Variants in ARHGEF3 observed in about 807,000 individuals in gnomAD.
The protein encoded by ARHGEF3 is Rho guanine nucleotide exchange factor 3.
ARHGEF3 carries 28 observed loss-of-function variants against 63.2 expected under a neutral mutation model. That is an observed-to-expected ratio of 0.44 (90% CI 0.33 to 0.61). The LOEUF (loss-of-function observed/expected upper bound fraction) is 0.61, where lower values mean the gene tolerates loss of function less well. Among genes scored for constraint, ARHGEF3 ranks in the 20% least tolerant of loss-of-function variants. The pLI, the probability that ARHGEF3 is intolerant of heterozygous loss-of-function variation, is 0.03. For missense variants in ARHGEF3, 533 were observed against 659.3 expected (o/e 0.81, Z 2.10); for synonymous variants, 266 against 254.2 (o/e 1.05, Z -0.44).
intron 2 of ARHGEF3, among the ~76,000 whole-genome samples, chr3:56,974,459 AC>A (rs1403946799): frequency 3.3e-5 from 5 of 152,318 alleles, no homozygotes; most frequent in African/African-American, 1.2e-4. Flanking sequence ...AGATGGCAGC[AC>A]CAAGCTTTCA....
At chr3:56,967,966 AT>A (rs1312162824) in intron 2 of ARHGEF3, among the ~76,000 whole-genome samples, 105 of 65,180 alleles carry the variant, frequency 1.6e-3, no homozygotes, top group Admixed American at 4.7e-3. Context: ...TATAAAATAT[AT>A]TTTATATTAT....
chr3:56,801,619 T>G, intron 1 of ARHGEF3, 84 bp downstream of exon 1: 1 of 1,489,602 alleles, frequency 6.7e-7, no homozygotes, highest in Non-Finnish European at 9.0e-7. Context: ...ACAGTGACAC[T>G]GGACGGGCGC....
intron 3 of ARHGEF3, among the ~76,000 whole-genome samples, chr3:56,895,409 G>C (rs1040270024): frequency 2.0e-5 from 3 of 152,112 alleles, no homozygotes; most frequent in African/African-American, 7.2e-5. Flanking sequence ...CTCCAGTGCG[G>C]ACATACAGAA....
intron 2 of ARHGEF3, among the ~76,000 whole-genome samples, chr3:56,968,225 T>A (rs1217940937): frequency 5.0e-3 from 84 of 16,820 alleles, no homozygotes; most frequent in African/African-American, 0.012. Context: ...TTATATATAA[T>A]ATATATATAA....
At chr3:57,067,247 C>T (rs1276645015) in intron 1 of ARHGEF3, among the ~76,000 whole-genome samples, 3 of 151,654 alleles carry the variant, frequency 2.0e-5, no homozygotes, top group Admixed American at 6.6e-5. Context: ...GTCAGGAGAT[C>T]GAGACTATCC....
At chr3:56,859,715 T>A (rs1283477406) in intron 4 of ARHGEF3, among the ~76,000 whole-genome samples, 1 of 131,622 alleles carries the variant, frequency 7.6e-6, no homozygotes, top group East Asian at 2.7e-4. Flanking sequence ...TTTTTTTTTT[T>A]TAAGTTAGAG....
intron 3 of ARHGEF3, chr3:56,958,710 C>T (rs73091596): frequency 0.12 from 137,545 of 1,143,032 alleles, 9,626 homozygotes; most frequent in East Asian, 0.27. Flanking sequence ...AGATGCGCTC[C>T]TGATGGAGAC....
chr3:56,855,550 G>T (rs2039841993), intron 4 of ARHGEF3, among the ~76,000 whole-genome samples: 1 of 152,038 alleles, frequency 6.6e-6, no homozygotes, highest in Admixed American at 6.6e-5. Flanking sequence ...GGGCGTGGTG[G>T]CATGTGCCTG....
intron 3 of ARHGEF3, among the ~76,000 whole-genome samples, chr3:56,914,670 G>A (rs1280069056): frequency 6.6e-6 from 1 of 152,074 alleles, no homozygotes; most frequent in South Asian, 2.1e-4. Context: ...TATTCTTAAA[G>A]GAAGGGAATT....
chr3:56,894,650 T>A (rs978206312), intron 3 of ARHGEF3, among the ~76,000 whole-genome samples: 10 of 152,052 alleles, frequency 6.6e-5, no homozygotes, highest in Non-Finnish European at 1.5e-4. Flanking sequence ...TTATAAAAAA[T>A]TTTAAAAAAA....
At chr3:56,862,817 C>T (rs979264675) in intron 4 of ARHGEF3, among the ~76,000 whole-genome samples, 2 of 152,162 alleles carry the variant, frequency 1.3e-5, no homozygotes, top group Admixed American at 1.3e-4. Flanking sequence ...AATGCACCCC[C>T]TTAGCAAACC....
chr3:56,800,950 T>A (rs17216782), intron 1 of ARHGEF3, among the ~76,000 whole-genome samples: 10,819 of 152,154 alleles, frequency 0.071, 764 homozygotes, highest in East Asian at 0.24. Flanking sequence ...GCCAGAGAAA[T>A]AACACGCAAG....
chr3:56,871,284 C>T (rs2040424414), intron 4 of ARHGEF3, among the ~76,000 whole-genome samples: 1 of 152,080 alleles, frequency 6.6e-6, no homozygotes, highest in African/African-American at 2.4e-5. Flanking sequence ...TACCCCTAAA[C>T]ACTTCCATAT....
intron 2 of ARHGEF3, among the ~76,000 whole-genome samples, chr3:56,771,337 G>A (rs919901225): frequency 1.3e-5 from 2 of 152,104 alleles, no homozygotes; most frequent in African/African-American, 4.8e-5. Context: ...AGGAACCCCA[G>A]AAACAGAAGA....
chr3:57,003,558 C>T (rs1473192071), intron 2 of ARHGEF3, among the ~76,000 whole-genome samples: 2 of 151,986 alleles, frequency 1.3e-5, no homozygotes, highest in Non-Finnish European at 2.9e-5. Flanking sequence ...TGAATAATGG[C>T]CCCCAAAAGA....
At chr3:56,907,270 G>C (rs949515473) in intron 3 of ARHGEF3, among the ~76,000 whole-genome samples, 1 of 152,058 alleles carries the variant, frequency 6.6e-6, no homozygotes, top group East Asian at 1.9e-4. Context: ...CATGAGCCAC[G>C]GCGCCTGGCC....
intron 4 of ARHGEF3, among the ~76,000 whole-genome samples, chr3:56,820,591 A>G (rs910229739): frequency 9.9e-5 from 15 of 152,118 alleles, no homozygotes; most frequent in African/African-American, 3.4e-4. Flanking sequence ...TCACTTGAGC[A>G]TAGGAGTTTG....
At chr3:56,936,258 G>A (rs1239205247) in intron 3 of ARHGEF3, among the ~76,000 whole-genome samples, 1 of 152,130 alleles carries the variant, frequency 6.6e-6, no homozygotes, top group Non-Finnish European at 1.5e-5. Flanking sequence ...ACCGGGAGCA[G>A]AACCTATAGG....
intron 2 of ARHGEF3, among the ~76,000 whole-genome samples, chr3:57,013,684 C>G (rs1702809481): frequency 6.6e-6 from 1 of 152,182 alleles, no homozygotes. Flanking sequence ...TGCTCTGTGT[C>G]TAGCTAATCT....
Sources: gnomAD v4.1 joint callset for allele counts (sites outside exome capture counted in the v4.1 genomes callset) on GRCh38, gnomAD v4.1.1 for gene constraint, MANE v1.5 for transcripts, NCBI Gene and HGNC (gene_info 2026-07-23, HGNC 2026-07-21) for gene names.